The following AFF2 variants were observed in gnomAD, a reference collection of about 807,000 sequenced individuals.
AFF2 encodes AF4/FMR2 family member 2.
Under a neutral mutation model 76.9 loss-of-function variants are expected in AFF2, and 14 were observed. That is an observed-to-expected ratio of 0.18 (90% CI 0.12 to 0.28). The LOEUF (loss-of-function observed/expected upper bound fraction) is 0.28. AFF2 is among the 10% of genes least tolerant of loss of function. The probability of loss-of-function intolerance (pLI) is 1.00; values close to 1 mark genes in which losing one functional copy is unlikely to be tolerated. For missense variants in AFF2, 868 were observed against 1,001.1 expected (o/e 0.87, Z 1.79); for synonymous variants, 398 against 366.7 (o/e 1.09, Z -0.98).
intron 1 of AFF2, among the ~76,000 whole-genome samples, chrX:148,629,961 C>T (rs1210228696): frequency 1.8e-5 from 2 of 111,446 alleles, no homozygotes; most frequent in South Asian, 3.8e-4. Flanking sequence ...CCCTATGTGC[C>T]GAGTCTTGTC....
intron 3 of AFF2, among the ~76,000 whole-genome samples, chrX:148,764,925 A>G (rs1277203462): frequency 8.9e-6 from 1 of 112,588 alleles, no homozygotes; most frequent in African/African-American, 3.2e-5. Flanking sequence ...GACTTTTCCA[A>G]CAATCCTAGC....
chrX:148,991,621 G>T lies in AFF2; in HGVS notation c.*289G>T, dbSNP rs1345531155. 5.8e-6 allele frequency: 1 copy of T among 173,343 alleles called. No homozygotes were observed. Among genetic ancestry groups the T allele is most frequent in the East Asian group, 1.2e-4 (1 of 8,497 alleles). The allele number at this position is 173,343 out of a possible 1,213,427, so 14.3% of individuals were successfully genotyped here. A position where few individuals can be genotyped will look rare whatever the true frequency, so the allele number is the denominator to read the frequency against. On this transcript the variant is annotated 3_prime_UTR_variant, in exon 21 of 21. Coordinates refer to ENST00000370460, the MANE Select transcript of AFF2 (RefSeq NM_002025.4). ...ATGGAATGACAGTCCCTACAATATT[G>T]TTTTAAGCCCACACTACCCAAAACA...
intron 3 of AFF2, among the ~76,000 whole-genome samples, chrX:148,670,089 A>C (rs782315267): frequency 8.9e-6 from 1 of 111,777 alleles, no homozygotes; most frequent in Non-Finnish European, 1.9e-5. Flanking sequence ...TATTTCCCCT[A>C]ACTTTAGTGT....
chrX:148,948,255 GAGGTT>G (rs1569557407), intron 9 of AFF2, among the ~76,000 whole-genome samples: 1 of 112,201 alleles, frequency 8.9e-6, no homozygotes, highest in African/African-American at 3.2e-5. Context: ...TTAATCCTGT[GAGGTT>G]TATACAATAA....
At chrX:148,674,410 G>A (rs782136462) in intron 3 of AFF2, among the ~76,000 whole-genome samples, 1 of 111,542 alleles carries the variant, frequency 9.0e-6, no homozygotes, top group Admixed American at 9.5e-5. Flanking sequence ...AGAAAGTGGG[G>A]AAAGTCAGTT....
chrX:148,704,440 ATATATATATTTATATATGTG>A lies in AFF2; in HGVS notation c.1041+41680_1041+41699del, dbSNP rs1376149565. On this transcript the variant is annotated intron_variant, in intron 3 of 20. Coordinates refer to ENST00000370460, the MANE Select transcript of AFF2 (RefSeq NM_002025.4). ...TGTAGATATATATTTATATATGTGTATATATATATTTATATATGTGTATATATTTATATATATGTGTATAT... is the reference window on the plus strand; with the variant it reads ...TGTAGATATATATTTATATATGTGTATATATATTTATATATATGTGTATAT... Among the ~76,000 whole-genome samples the A allele has an allele frequency of 4.9e-3, 23 of 4,727 alleles. 1 individual carries two copies. The highest frequency in any genetic ancestry group is 0.33 in the East Asian group (1 of 3). 4.1% of individuals were successfully genotyped at this position (4,727 alleles called of 115,157 possible). A position where few individuals can be genotyped will look rare whatever the true frequency, so the allele number is the denominator to read the frequency against.
chrX:148,881,438 C>T (rs2071094805), intron 7 of AFF2, among the ~76,000 whole-genome samples: 1 of 110,658 alleles, frequency 9.0e-6, no homozygotes, highest in Non-Finnish European at 1.9e-5. Flanking sequence ...GTCAGAACAT[C>T]GGGACCACTC....
chrX:148,705,642 G>T (rs1236186678), intron 3 of AFF2, among the ~76,000 whole-genome samples: 1 of 112,054 alleles, frequency 8.9e-6, no homozygotes, highest in Non-Finnish European at 1.9e-5. Flanking sequence ...TCTGTTGAAT[G>T]GAAGGGAAGA....
chrX:148,907,877 C>T (rs2071426111), intron 9 of AFF2, among the ~76,000 whole-genome samples: 1 of 110,398 alleles, frequency 9.1e-6, no homozygotes, highest in Non-Finnish European at 1.9e-5. Context: ...GAGACTGGGC[C>T]TTATTTCATC....
At chrX:148,692,924 T>C (rs2054667843) in intron 3 of AFF2, among the ~76,000 whole-genome samples, 1 of 109,908 alleles carries the variant, frequency 9.1e-6, no homozygotes, top group Non-Finnish European at 1.9e-5. Flanking sequence ...TTTTTGTTTT[T>C]GTTTTTGTTT....
intron 3 of AFF2, among the ~76,000 whole-genome samples, chrX:148,768,146 T>C (rs1002099529): frequency 1.1e-4 from 12 of 108,611 alleles, no homozygotes; most frequent in Non-Finnish European, 1.7e-4. Context: ...TTTGTCTCTC[T>C]TCTGAAGTTT....
rs782513296 is a variant in AFF2 at position 148,959,823 on chromosome X, C to T, written c.2690+1365C>T. 2.7e-5 allele frequency among the ~76,000 whole-genome samples: 3 copies of T among 112,301 alleles called. No homozygotes were observed. In the Admixed American group the frequency reaches 2.8e-4, roughly 11 times the overall value. On this transcript the variant is annotated intron_variant, in intron 12 of 20. Coordinates refer to ENST00000370460, the MANE Select transcript of AFF2 (RefSeq NM_002025.4). ...TAAGACGTGGTCATTCCAGAGCCCTCCTTCGTTGTTTGCAAGGAGGAAGGA... is the reference window on the plus strand; with the variant it reads ...TAAGACGTGGTCATTCCAGAGCCCTTCTTCGTTGTTTGCAAGGAGGAAGGA...
intron 1 of AFF2, among the ~76,000 whole-genome samples, chrX:148,645,409 A>C (rs781985476): frequency 3.6e-5 from 4 of 112,551 alleles, no homozygotes; most frequent in Non-Finnish European, 7.5e-5. Context: ...AATGAACAAG[A>C]AACTTGTAAG....
intron 19 of AFF2, among the ~76,000 whole-genome samples, chrX:148,982,637 G>A (rs1834142372): frequency 8.9e-6 from 1 of 112,191 alleles, no homozygotes; most frequent in Non-Finnish European, 1.9e-5. Context: ...AATTGGGGAA[G>A]TCAGCTGCCC....
intron 1 of AFF2, among the ~76,000 whole-genome samples, chrX:148,520,172 C>T (rs1445730590): frequency 9.0e-6 from 1 of 111,532 alleles, no homozygotes; most frequent in African/African-American, 3.3e-5. Flanking sequence ...ATGCATATTG[C>T]CTCAAGCCCT....
chrX:148,716,112 T>G (rs2055022932), intron 3 of AFF2, among the ~76,000 whole-genome samples: 1 of 112,072 alleles, frequency 8.9e-6, no homozygotes, highest in Admixed American at 9.5e-5. Flanking sequence ...TATGTGTCTG[T>G]GTGTACATAT....
At chrX:148,676,316 G>A (rs1403203231) in intron 3 of AFF2, among the ~76,000 whole-genome samples, 1 of 111,607 alleles carries the variant, frequency 9.0e-6, no homozygotes, top group Non-Finnish European at 1.9e-5. Context: ...AAAGTGCTGG[G>A]ATTACAGGCA....
At position 148,998,733 on chromosome X, in the gene AFF2, G is replaced by A. The variant is rs1377447852; in HGVS notation, c.*7401G>A. On this transcript the variant is annotated 3_prime_UTR_variant, in exon 21 of 21. Transcript: ENST00000370460. Reference sequence around the variant, plus strand: ...TCAAAAAATTTCCCATAGTACTTCAGTCAAGACTTTTTAGGTTTATCTTTT... The same window carrying A: ...TCAAAAAATTTCCCATAGTACTTCAATCAAGACTTTTTAGGTTTATCTTTT... The A allele has an allele frequency of 9.0e-6, 1 of 110,592 alleles. No homozygotes were observed. Among genetic ancestry groups the A allele is most frequent in the African/African-American group, 3.3e-5 (1 of 30,374 alleles). The allele number at this position is 110,592 out of a possible 1,213,427, so 9.1% of individuals were successfully genotyped here. A position where few individuals can be genotyped will look rare whatever the true frequency, so the allele number is the denominator to read the frequency against.
intron 7 of AFF2, among the ~76,000 whole-genome samples, chrX:148,874,785 T>C (rs1443851047): frequency 9.0e-6 from 1 of 111,636 alleles, no homozygotes; most frequent in African/African-American, 3.3e-5. Flanking sequence ...AGTGCTAAGA[T>C]GATGGCCTTA....
Sources: allele counts gnomAD v4.1 joint callset (sites outside exome capture counted in the v4.1 genomes callset), GRCh38; gene constraint gnomAD v4.1.1; transcripts MANE v1.5; gene names NCBI Gene and HGNC (gene_info 2026-07-23, HGNC 2026-07-21).